The following RTN3 variants were observed in gnomAD, a reference collection of about 807,000 sequenced individuals.
RTN3 encodes reticulon 3, also known as reticulon-3.
RTN3 carries 49 observed loss-of-function variants against 77.8 expected under a neutral mutation model. The observed-to-expected ratio is 0.63, with a 90% confidence interval of 0.50 to 0.80. The LOEUF (loss-of-function observed/expected upper bound fraction) is 0.80, where lower values mean the gene tolerates loss of function less well. Ranked by LOEUF, RTN3 falls within the 30% of genes least tolerant of loss-of-function variation. The pLI is 0.00. For missense variants in RTN3, 1,236 were observed against 1,211.9 expected, an observed-to-expected ratio of 1.02 and a Z score of -0.29; for synonymous variants, 464 against 446.9, an observed-to-expected ratio of 1.04 and a Z score of -0.48.
At chr11:63,708,253 A>G (rs1422882522) in intron 2 of RTN3, among the ~76,000 whole-genome samples, 1 of 152,182 alleles carries the variant, frequency 6.6e-6, no homozygotes, top group African/African-American at 2.4e-5. Context: ...CTTTGGCTTC[A>G]TATACCTTAG....
intron 3 of RTN3, among the ~76,000 whole-genome samples, chr11:63,743,933 TTGA>T (rs1024125117): frequency 2.7e-5 from 4 of 149,272 alleles, no homozygotes; most frequent in African/African-American, 9.9e-5. Context: ...AAACAAAAAC[TTGA>T]TGAAGGAAGA....
chr11:63,703,526 AT>A (rs1942346325), intron 1 of RTN3, among the ~76,000 whole-genome samples: 1 of 151,676 alleles, frequency 6.6e-6, no homozygotes, highest in African/African-American at 2.4e-5. Context: ...TTTTATGAAT[AT>A]CTTCATACAC....
upstream of RTN3, chr11:63,681,492 A>C: frequency 3.6e-6 from 3 of 823,358 alleles, no homozygotes; most frequent in South Asian, 8.1e-5. Context: ...CGCTCGGCTG[A>C]GTCAGTCAGT....
At chr11:63,695,699 C>G (rs918941295) in intron 1 of RTN3, among the ~76,000 whole-genome samples, 1 of 152,118 alleles carries the variant, frequency 6.6e-6, no homozygotes. Flanking sequence ...CTGACAAATT[C>G]AAATTGAGGG....
At chr11:63,734,383 G>A (rs1440495314) in intron 3 of RTN3, among the ~76,000 whole-genome samples, 1 of 151,064 alleles carries the variant, frequency 6.6e-6, no homozygotes, top group African/African-American at 2.4e-5. Context: ...ACAGGCAAAG[G>A]TTGCAGTGAG....
At chr11:63,748,698 C>T (rs1397835590) in intron 3 of RTN3, among the ~76,000 whole-genome samples, 10 of 128,370 alleles carry the variant, frequency 7.8e-5, no homozygotes, top group Non-Finnish European at 1.1e-4. Context: ...GACGGAGTTT[C>T]GCTCTGTCAC....
chr11:63,696,877 CTTTCTTTTTTTT>C (rs1328880617), intron 1 of RTN3, among the ~76,000 whole-genome samples: 11 of 52,246 alleles, frequency 2.1e-4, no homozygotes, highest in Middle Eastern at 0.017. Context: ...TTCTTTCTTT[CTTTCTTTTTTTT>C]TTTTTTTTTT....
rs1030600934 is a variant in RTN3 at position 63,681,507 on chromosome 11, C to G, written c.-130C>G. 5 of 959,314 alleles carry G rather than the reference C, an allele frequency of 5.2e-6. No homozygotes were observed. The highest frequency in any genetic ancestry group is 3.2e-5 in the Admixed American group (1 of 31,696). 59.4% of individuals were successfully genotyped at this position (959,314 alleles called of 1,614,324 possible). Reference sequence around the variant, plus strand: ...CGCTCGGCTGAGTCAGTCAGTCTGTCGGAGTCTGTCCTCGGAGCAGGCGGA... The same window carrying G: ...CGCTCGGCTGAGTCAGTCAGTCTGTGGGAGTCTGTCCTCGGAGCAGGCGGA... On this transcript the variant is annotated 5_prime_UTR_variant, in exon 1 of 9. Coordinates refer to ENST00000377819, the MANE Select transcript of RTN3 (RefSeq NM_001265589.2).
chr11:63,705,381 G>A (rs1942448169), intron 2 of RTN3, among the ~76,000 whole-genome samples: 2 of 152,192 alleles, frequency 1.3e-5, no homozygotes, highest in South Asian at 4.1e-4. Context: ...TCAGGAGGCT[G>A]AGGTGGGAGG....
chr11:63,727,390 A>G (rs919661899), intron 3 of RTN3, among the ~76,000 whole-genome samples: 2 of 152,250 alleles, frequency 1.3e-5, no homozygotes, highest in South Asian at 2.1e-4. Flanking sequence ...CAGGATTTTA[A>G]GGGTTTTCAT....
In RTN3 at chr11:63,717,053, C is replaced by T. The variant is rs2011459308; in HGVS notation, c.200-1649C>T. On this transcript the variant is annotated intron_variant, in intron 2 of 8. Coordinates refer to ENST00000377819, the MANE Select transcript of RTN3 (RefSeq NM_001265589.2). ...TGGCATGTGCCTGTGGTCCCAGCTA[C>T]TTGGGAGGCTGAGGTGGGAGGATAG... Among the ~76,000 whole-genome samples, 4 of 149,594 alleles carry T rather than the reference C, an allele frequency of 2.7e-5. No homozygotes were observed. In the South Asian group the frequency reaches 8.4e-4, roughly 32 times the overall value.
chr11:63,707,511 A>G (rs1466711766), intron 2 of RTN3, among the ~76,000 whole-genome samples: 1 of 152,150 alleles, frequency 6.6e-6, no homozygotes, highest in Non-Finnish European at 1.5e-5. Context: ...GTAGATTGAG[A>G]ATAGTCTTAT....
At position 63,720,265 on chromosome 11, in the gene RTN3, C is replaced by T. The variant is rs373330352; in HGVS notation, c.1763C>T (p.Thr588Met). The T allele has an allele frequency of 8.7e-6, 14 of 1,613,594 alleles. No homozygotes were observed. The highest frequency in any genetic ancestry group is 1.1e-5 in the South Asian group (1 of 90,982). The change falls in exon 3 of 9, where the codon ACG (threonine) becomes ATG (methionine). Residue 588 changes from threonine to methionine, a missense_variant. This residue lies in a region of RTN3 where 1,056 missense variants were observed against 990.4 expected (regional missense o/e 1.07). Transcript: ENST00000377819. ...SEAACSKVPD[T>M]NVSLEDVSEV... ...GCAGCATGTTCAAAAGTACCCGATA[C>T]GAATGTCTCCTTAGAAGATGTGAGT...
intron 1 of RTN3, 26 bp downstream of exon 1, chr11:63,681,804 C>G: frequency 6.6e-7 from 1 of 1,523,890 alleles, no homozygotes; most frequent in Non-Finnish European, 8.8e-7. Context: ...AGCCCCCGCC[C>G]TGGGAAAGAG....
Position 63,721,517 on chromosome 11 carries a change from G to A in RTN3, c.2530+485G>A, listed in dbSNP as rs557071498. ...GTAAACCCGGGAGGCAGAGCTTGCA[G>A]TGAGATGAGATCGCGCCAGTACACT... On this transcript the variant is annotated intron_variant, in intron 3 of 8. Transcript: ENST00000377819. 5.3e-5 allele frequency among the ~76,000 whole-genome samples: 8 copies of A among 150,692 alleles called. No homozygotes were observed. The South Asian group carries it at 1.7e-3, about 32-fold the overall frequency.
chr11:63,720,419 T>C lies in RTN3; in HGVS notation c.1917T>C (p.His639=), dbSNP rs769681772. The change falls in exon 3 of 9, where the codon CAT becomes CAC. Residue 639 remains histidine (H), a synonymous_variant. Coordinates refer to ENST00000377819, the MANE Select transcript of RTN3 (RefSeq NM_001265589.2). ...CATCTGCCTATTTGGAGTCATTACA[T>C]GGGAAAAATGTTAAACATATAGATG... The part of the protein sequence containing the change: ...VTTSAYLESL[H]GKNVKHIDDS... The C allele has an allele frequency of 1.2e-6, 2 of 1,613,636 alleles. No individual in the cohort carries two copies. Among genetic ancestry groups the C allele is most frequent in the African/African-American group, 2.7e-5 (2 of 74,882 alleles).
In RTN3 at chr11:63,681,750, G is replaced by A. The variant is rs565689030; in HGVS notation, c.114G>A (p.Gly38=). Residue 38 remains glycine (G), a synonymous_variant, in exon 1 of 9, where the codon GGG becomes GGA. Transcript: ENST00000377819. ...GGSPGACPAL[G]TKSCSSSCAD... ...GCCCAGGAGCCTGCCCCGCCCTGGGGACGAAGAGCTGCAGCTCCTCCTGTG... is the reference window on the plus strand; with the variant it reads ...GCCCAGGAGCCTGCCCCGCCCTGGGAACGAAGAGCTGCAGCTCCTCCTGTG... 6.6e-5 allele frequency: 106 copies of A among 1,604,090 alleles called. 1 individual carries two copies. In the South Asian group the frequency reaches 1.1e-3, roughly 17 times the overall value.
intron 2 of RTN3, among the ~76,000 whole-genome samples, chr11:63,711,534 C>T (rs1328764738): frequency 1.6e-4 from 25 of 151,700 alleles, no homozygotes; most frequent in Admixed American, 1.4e-3. Flanking sequence ...GAACCACAGG[C>T]GTGTGCCACC....
At chr11:63,730,246 C>T (rs373567031) in intron 3 of RTN3, among the ~76,000 whole-genome samples, 4 of 152,114 alleles carry the variant, frequency 2.6e-5, no homozygotes, top group East Asian at 1.9e-4. Flanking sequence ...GGATCATAGG[C>T]GTGAGCCACC....
Sources: gnomAD v4.1 joint callset for allele counts (sites outside exome capture counted in the v4.1 genomes callset) on GRCh38, gnomAD v4.1.1 for gene constraint, gnomAD v4.1.1 regional missense constraint, MANE v1.5 for transcripts, NCBI Gene and HGNC (gene_info 2026-07-23, HGNC 2026-07-21) for gene names.